Variants in UFD1 observed in about 807,000 individuals in gnomAD.
UFD1 encodes ubiquitin recognition factor in ER-associated degradation protein 1.
Under a neutral mutation model 45.9 loss-of-function variants are expected in UFD1, and 13 were observed. That is an observed-to-expected ratio of 0.28 (90% CI 0.18 to 0.45). The LOEUF is 0.45. Ranked by LOEUF, UFD1 falls within the 20% of genes least tolerant of loss-of-function variation. The pLI is 1.00. For missense variants in UFD1, 218 were observed against 389.2 expected (o/e 0.56, Z 3.70); for synonymous variants, 128 against 139.2 (o/e 0.92, Z 0.56).
At chr22:19,474,983 T>G in intron 3 of UFD1, 85 bp downstream of exon 3, 1 of 1,332,110 alleles carries the variant, frequency 7.5e-7, no homozygotes, top group South Asian at 1.3e-5. Context: ...GGCACTGGTG[T>G]CTGGATGTAC....
intron 9 of UFD1, 182 bp downstream of exon 9, chr22:19,456,405 G>T (rs1259047361): frequency 6.7e-6 from 5 of 747,852 alleles, no homozygotes; most frequent in East Asian, 2.6e-5. Context: ...GAAGATTCCA[G>T]GAGAGAGTGG....
chr22:19,469,713 A>G (rs1601899097), intron 4 of UFD1, among the ~76,000 whole-genome samples: 2 of 152,188 alleles, frequency 1.3e-5, no homozygotes, highest in Non-Finnish European at 2.9e-5. Flanking sequence ...GCACTGGCTC[A>G]CATGCCCTCC....
At chr22:19,468,081 A>G in intron 4 of UFD1, 78 bp from the exon 5 acceptor site, 1 of 1,556,282 alleles carries the variant, frequency 6.4e-7, no homozygotes, top group South Asian at 1.2e-5. Flanking sequence ...TACACTGGGC[A>G]GGCCCGTCTT....
intron 4 of UFD1, chr22:19,470,631 G>A (rs1042020732): frequency 2.2e-5 from 9 of 409,882 alleles, no homozygotes; most frequent in African/African-American, 6.2e-5. Flanking sequence ...TAGTAGAGAC[G>A]GGGTTTCACC....
At position 19,455,705 on chromosome 22, in the gene UFD1, G is replaced by A; in HGVS notation, c.742C>T (p.Pro248Ser). ...CTTTTAATATCTCCAGGCTTGATTG[G>A]GGAGGGGCTGGGCTCTACCCCTTTC... ...KKKGVEPSPS[P>S]IKPGDIKRGI... Residue 248 changes from proline (P) to serine (S), a missense_variant, in exon 10 of 12, where the codon CCA (proline) becomes TCA (serine). Pro to Ser is a moderately conservative substitution (Grantham distance 74, BLOSUM62 -1). Transcript: ENST00000263202. 1 of 1,614,080 alleles carries A rather than the reference G, an allele frequency of 6.2e-7. No individual in the cohort carries two copies. The highest frequency in any genetic ancestry group is 1.7e-5 in the Admixed American group (1 of 60,022).
chr22:19,475,095 T>A lies in UFD1; in HGVS notation c.142A>T (p.Met48Leu). ...AGTTGGTCCAGGGCCGAGGGTGGCA[T>A]AATTACTGTGGAAAGAACATTTAAG... ...SDVEKGGKII[M>L]PPSALDQLSR... Residue 48 changes from methionine (M) to leucine (L), a missense_variant, in exon 3 of 12, where the codon ATG (methionine) becomes TTG (leucine). Transcript: ENST00000263202. 2 of 1,609,374 alleles carry A rather than the reference T, an allele frequency of 1.2e-6. No individual in the cohort carries two copies. The highest frequency in any genetic ancestry group is 1.7e-6 in the Non-Finnish European group (2 of 1,178,508).
chr22:19,458,397 C>A (rs1390915303), intron 6 of UFD1, among the ~76,000 whole-genome samples: 3 of 152,184 alleles, frequency 2.0e-5, no homozygotes, highest in African/African-American at 7.2e-5. Flanking sequence ...GCAAAAGACA[C>A]TAACAACCTT....
intron 5 of UFD1, chr22:19,465,478 G>T (rs978110983): frequency 1.3e-5 from 7 of 520,708 alleles, no homozygotes; most frequent in Non-Finnish European, 1.7e-5. Flanking sequence ...ATGCCAAGCT[G>T]GGGTAACAAA....
At position 19,479,113 on chromosome 22, in the gene UFD1, C is replaced by A. The variant is rs1479892616; in HGVS notation, c.-28G>T. On this transcript the variant is annotated 5_prime_UTR_variant, in exon 1 of 12. Transcript: ENST00000263202. ...TGGACACCACCTGGCAGACTCCGCT[C>A]CTCTCAGGCAATGCAACGAAGAAAC... 2 of 1,610,608 alleles carry A rather than the reference C, an allele frequency of 1.2e-6. No individual in the cohort carries two copies. Among genetic ancestry groups the A allele is most frequent in the South Asian group, 2.2e-5 (2 of 90,742 alleles).
At position 19,454,848 on chromosome 22, in the gene UFD1, G is replaced by A; in HGVS notation, c.768-18C>T. On this transcript the variant is annotated intron_variant, in intron 10 of 11. Transcript: ENST00000263202. ...GAATTCCTCTGTAAGAAGAGACAGAGACAGAGAAATGTTATTTCCAGGAAA... is the reference window on the plus strand; with the variant it reads ...GAATTCCTCTGTAAGAAGAGACAGAAACAGAGAAATGTTATTTCCAGGAAA... The A allele has an allele frequency of 1.2e-6, 2 of 1,607,302 alleles. No individual in the cohort carries two copies. Among genetic ancestry groups the A allele is most frequent in the Non-Finnish European group, 1.7e-6 (2 of 1,177,574 alleles).
At chr22:19,472,746 G>A (rs550016670) in intron 3 of UFD1, among the ~76,000 whole-genome samples, 33 of 152,236 alleles carry the variant, frequency 2.2e-4, no homozygotes, top group Non-Finnish European at 4.3e-4. Context: ...TTTTATCTAT[G>A]GGGAAACTAA....
At chr22:19,457,064 C>T (rs2089728755) in intron 7 of UFD1, 146 bp from the exon 8 acceptor site, 1 of 654,768 alleles carries the variant, frequency 1.5e-6, no homozygotes. Flanking sequence ...CCAGTTTTCC[C>T]AACGGTAGCA....
At chr22:19,468,327 C>G (rs2089818892) in intron 4 of UFD1, among the ~76,000 whole-genome samples, 1 of 152,170 alleles carries the variant, frequency 6.6e-6, no homozygotes, top group Admixed American at 6.5e-5. Flanking sequence ...TACTTCCAAG[C>G]TGTCCCACAA....
At chr22:19,474,973 G>A in intron 3 of UFD1, 95 bp downstream of exon 3, 1 of 1,239,066 alleles carries the variant, frequency 8.1e-7, no homozygotes, top group Non-Finnish European at 1.1e-6. Flanking sequence ...GCTGACAAAG[G>A]GCACTGGTGT....
At chr22:19,468,221 TCA>T (rs1176952883) in intron 4 of UFD1, among the ~76,000 whole-genome samples, 1 of 152,204 alleles carries the variant, frequency 6.6e-6, no homozygotes, top group South Asian at 2.1e-4. Flanking sequence ...GCTGTATAGC[TCA>T]CAGTGTGAAC....
intron 6 of UFD1, among the ~76,000 whole-genome samples, chr22:19,464,425 G>A (rs909184963): frequency 6.6e-5 from 10 of 152,260 alleles, no homozygotes; most frequent in African/African-American, 2.2e-4. Context: ...CTCCATGCCT[G>A]TGGTGGGACA....
In UFD1 at chr22:19,471,434, T is replaced by C. The variant is rs901023092; in HGVS notation, c.291+253A>G. Reference sequence around the variant, plus strand: ...CACCCAGGAAATCACAGATGAACAGTTCAGCTGCGCAACTATCAAAGAAAA... The same window carrying C: ...CACCCAGGAAATCACAGATGAACAGCTCAGCTGCGCAACTATCAAAGAAAA... On this transcript the variant is annotated intron_variant, in intron 4 of 11. Transcript: ENST00000263202. The C allele has an allele frequency of 9.6e-6, 7 of 730,646 alleles. No individual in the cohort carries two copies. In the East Asian group the frequency reaches 1.9e-4, roughly 19 times the overall value. 45.3% of individuals were successfully genotyped at this position (730,646 alleles called of 1,614,324 possible).
chr22:19,468,596 T>C (rs1483068692), intron 4 of UFD1, among the ~76,000 whole-genome samples: 11 of 152,184 alleles, frequency 7.2e-5, no homozygotes, highest in African/African-American at 2.4e-4. Flanking sequence ...GTACTGGGTG[T>C]GCAGGGAGTC....
In UFD1 at chr22:19,450,570, TATTCTCTGATGA is replaced by T; in HGVS notation, c.*88_*99del. ...TCTAAATAAATCTTAAGTAACAGAG[TATTCTCTGATGA>T]GGCTCGTCCCTGTCAGTGCCAGTAA... On this transcript the variant is annotated 3_prime_UTR_variant, in exon 12 of 12. Coordinates refer to ENST00000263202, the MANE Select transcript of UFD1 (RefSeq NM_005659.7). 1.4e-6 allele frequency: 2 copies of T among 1,408,024 alleles called. No homozygotes were observed. Among genetic ancestry groups the T allele is most frequent in the Non-Finnish European group, 2.0e-6 (2 of 1,006,794 alleles). 87.2% of individuals were successfully genotyped at this position (1,408,024 alleles called of 1,614,324 possible).
Sources: allele counts gnomAD v4.1 joint callset (sites outside exome capture counted in the v4.1 genomes callset), GRCh38; gene constraint gnomAD v4.1.1; transcripts MANE v1.5; gene names NCBI Gene and HGNC (gene_info 2026-07-23, HGNC 2026-07-21).